Variants in PPARG observed in about 807,000 individuals in gnomAD.
PPARG encodes peroxisome proliferator-activated receptor gamma.
PPARG carries 17 observed loss-of-function variants against 39.2 expected under a neutral mutation model. The observed-to-expected ratio is 0.43, with a 90% CI of 0.30 to 0.65. PPARG has a LOEUF of 0.65. Ranked by LOEUF, PPARG falls within the 30% of genes least tolerant of loss-of-function variation. The probability of loss-of-function intolerance (pLI) is 0.13; values close to 1 mark genes in which losing one functional copy is unlikely to be tolerated. For missense variants in PPARG, 406 were observed against 585.9 expected, an observed-to-expected ratio of 0.69 and a Z score of 3.17; for synonymous variants, 223 against 215.7, an observed-to-expected ratio of 1.03 and a Z score of -0.30.
chr3:12,382,513 A>C (rs2049713693), intron 4 of PPARG, among the ~76,000 whole-genome samples: 1 of 152,238 alleles, frequency 6.6e-6, no homozygotes, highest in South Asian at 2.1e-4. Flanking sequence ...AAGATACAGA[A>C]CAACAGTTAG....
At chr3:12,347,596 A>G (rs532741055) in intron 2 of PPARG, among the ~76,000 whole-genome samples, 2 of 152,336 alleles carry the variant, frequency 1.3e-5, no homozygotes, top group Admixed American at 6.5e-5. Flanking sequence ...GCACTAGGAA[A>G]AGGCAGCCAT....
Position 12,405,985 on chromosome 3 carries a change from C to T in PPARG, c.633C>T (p.Ala211=), listed in dbSNP as rs1166337182. The change falls in exon 6 of 8, where the codon GCC becomes GCT. Residue 211 remains alanine, a synonymous_variant. Transcript: ENST00000651735. ...ATCCAGAGTCCGCTGACCTCCGGGC[C>T]CTGGCAAAACATTTGTATGACTCAT... ...QLNPESADLR[A]LAKHLYDSYI... The T allele has an allele frequency of 2.5e-6, 4 of 1,614,078 alleles. No individual in the cohort carries two copies. The highest frequency in any genetic ancestry group is 2.2e-5 in the South Asian group (2 of 91,076).
At chr3:12,401,878 C>A (rs114617471) in intron 5 of PPARG, among the ~76,000 whole-genome samples, 1,994 of 152,210 alleles carry the variant, frequency 0.013, 54 homozygotes, top group African/African-American at 0.045. Flanking sequence ...CTTCAACTTA[C>A]AAAAATACGT....
chr3:12,315,337 A>G (rs2047360682), intron 2 of PPARG, among the ~76,000 whole-genome samples: 1 of 152,060 alleles, frequency 6.6e-6, no homozygotes, highest in Non-Finnish European at 1.5e-5. Context: ...TTCTTTATCC[A>G]TTCATCTGTT....
intron 7 of PPARG, among the ~76,000 whole-genome samples, chr3:12,423,754 C>T (rs1486812283): frequency 3.3e-5 from 5 of 152,230 alleles, no homozygotes; most frequent in African/African-American, 7.2e-5. Flanking sequence ...CTCCCTCATC[C>T]GTAGAGGGTT....
chr3:12,327,827 T>C lies in PPARG; in HGVS notation c.-9+15374T>C, dbSNP rs543742976. On this transcript the variant is annotated intron_variant, in intron 2 of 7. Transcript: ENST00000651735. ...GCTTCTTTCAGCATCACTCATCAAG[T>C]TGAAATTTATGAGTGTCCTTTGTTA... Among the ~76,000 whole-genome samples the C allele has an allele frequency of 9.9e-5, 15 of 152,196 alleles. 1 individual carries two copies. Among genetic ancestry groups the C allele is most frequent in the Non-Finnish European group, 2.1e-4 (14 of 68,034 alleles).
intron 2 of PPARG, chr3:12,371,744 G>A: frequency 1.9e-6 from 1 of 516,372 alleles, no homozygotes; most frequent in South Asian, 1.6e-5. Flanking sequence ...CTCCCGTCCA[G>A]TCAGCCTCTA....
chr3:12,430,855 A>G (rs1015032885), intron 7 of PPARG, among the ~76,000 whole-genome samples: 3 of 152,198 alleles, frequency 2.0e-5, no homozygotes, highest in Non-Finnish European at 1.5e-5. Flanking sequence ...CAGGAAGAAT[A>G]AAATCTGAAT....
chr3:12,378,428 C>A (rs2049498388), intron 2 of PPARG, among the ~76,000 whole-genome samples: 1 of 152,046 alleles, frequency 6.6e-6, no homozygotes, highest in Non-Finnish European at 1.5e-5. Flanking sequence ...TATATACACA[C>A]ATACATATAT....
intron 2 of PPARG, among the ~76,000 whole-genome samples, chr3:12,365,327 G>T (rs1308660035): frequency 6.6e-6 from 1 of 152,106 alleles, no homozygotes; most frequent in Non-Finnish European, 1.5e-5. Context: ...CCCATCTGTG[G>T]CTTGTTTACT....
intron 2 of PPARG, among the ~76,000 whole-genome samples, chr3:12,320,454 C>A (rs2047510522): frequency 6.6e-6 from 1 of 152,162 alleles, no homozygotes; most frequent in Non-Finnish European, 1.5e-5. Flanking sequence ...TGATCTGTAG[C>A]ATGAGCCATT....
At chr3:12,353,873 A>G (rs754075944) in intron 2 of PPARG, among the ~76,000 whole-genome samples, 12 of 152,190 alleles carry the variant, frequency 7.9e-5, no homozygotes, top group South Asian at 2.1e-4. Context: ...AGCTTCCACA[A>G]GCTCAAGCTG....
chr3:12,393,763 T>C (rs899385285), intron 5 of PPARG, among the ~76,000 whole-genome samples: 1 of 152,146 alleles, frequency 6.6e-6, no homozygotes, highest in Non-Finnish European at 1.5e-5. Flanking sequence ...CTAAAGCATC[T>C]GAGAAAATTA....
intron 7 of PPARG, among the ~76,000 whole-genome samples, chr3:12,420,273 C>T (rs886105472): frequency 3.3e-5 from 5 of 152,276 alleles, no homozygotes; most frequent in Admixed American, 2.6e-4. Flanking sequence ...AGGCATCTAT[C>T]GAGGATGAGA....
At chr3:12,328,404 C>T in intron 2 of PPARG, 1 of 625,030 alleles carries the variant, frequency 1.6e-6, no homozygotes, top group Non-Finnish European at 2.8e-6. Context: ...GGCAACGTCA[C>T]ATTTTCTGCA....
At chr3:12,366,787 A>C (rs2049032113) in intron 2 of PPARG, among the ~76,000 whole-genome samples, 2 of 152,114 alleles carry the variant, frequency 1.3e-5, no homozygotes, top group African/African-American at 4.8e-5. Flanking sequence ...ACATTATCGG[A>C]TTCAATTTGC....
At chr3:12,365,845 G>C (rs1437250472) in intron 2 of PPARG, among the ~76,000 whole-genome samples, 1 of 151,874 alleles carries the variant, frequency 6.6e-6, no homozygotes, top group South Asian at 2.1e-4. Context: ...TCAGTCCTTC[G>C]ACTTTATTCT....
At chr3:12,324,138 G>A (rs1455343491) in intron 2 of PPARG, among the ~76,000 whole-genome samples, 1 of 152,076 alleles carries the variant, frequency 6.6e-6, no homozygotes, top group Non-Finnish European at 1.5e-5. Context: ...AATTAGCCAC[G>A]TGTGTTGGCA....
At chr3:12,353,285 T>C (rs774761025) in intron 2 of PPARG, among the ~76,000 whole-genome samples, 1 of 152,212 alleles carries the variant, frequency 6.6e-6, no homozygotes, top group Non-Finnish European at 1.5e-5. Context: ...CCTTGTCTTA[T>C]AGGGTCTCTG....
Sources: gnomAD v4.1 joint callset for allele counts (sites outside exome capture counted in the v4.1 genomes callset) on GRCh38, gnomAD v4.1.1 for gene constraint, MANE v1.5 for transcripts, NCBI Gene and HGNC (gene_info 2026-07-23, HGNC 2026-07-21) for gene names.